RERE: variants seen among roughly 807,000 people sequenced by gnomAD.
The protein encoded by RERE is arginine-glutamic acid dipeptide repeats, also known as arginine-glutamic acid dipeptide repeats protein.
A neutral mutation model predicts 146.1 loss-of-function variants in RERE; 40 were observed. The observed-to-expected ratio is 0.27, with a 90% CI of 0.21 to 0.36. RERE has a LOEUF of 0.36. Among genes scored for constraint, RERE ranks in the 10% least tolerant of loss-of-function variants. The probability of loss-of-function intolerance (pLI) is 1.00; values close to 1 mark genes in which losing one functional copy is unlikely to be tolerated. For missense variants in RERE, 1,933 were observed against 2,138.7 expected (o/e 0.90, Z 1.90); for synonymous variants, 1,003 against 866.0 (o/e 1.16, Z -2.78).
At chr1:8,592,474 G>A (rs181267781) in intron 4 of RERE, among the ~76,000 whole-genome samples, 143 of 152,090 alleles carry the variant, frequency 9.4e-4, no homozygotes, top group Non-Finnish European at 1.4e-3. Context: ...GTTTCACCAC[G>A]TTGCCCAGGC....
intron 12 of RERE, among the ~76,000 whole-genome samples, chr1:8,367,166 G>A (rs1281047550): frequency 1.3e-5 from 2 of 152,136 alleles, no homozygotes; most frequent in Non-Finnish European, 2.9e-5. Flanking sequence ...AGTGTTGGAA[G>A]GACTAAAATA....
intron 4 of RERE, among the ~76,000 whole-genome samples, chr1:8,568,234 T>C (rs900355332): frequency 1.3e-5 from 2 of 152,210 alleles, no homozygotes; most frequent in African/African-American, 2.4e-5. Flanking sequence ...CCTCCAGCCT[T>C]TGGACTGAGG....
At chr1:8,492,583 C>T (rs746434841) in intron 10 of RERE, among the ~76,000 whole-genome samples, 7 of 151,572 alleles carry the variant, frequency 4.6e-5, no homozygotes, top group Non-Finnish European at 8.8e-5. Flanking sequence ...CAAAGTAAGA[C>T]GATGTCTCTA....
At chr1:8,430,205 G>T (rs1192490653) in intron 11 of RERE, among the ~76,000 whole-genome samples, 2 of 152,076 alleles carry the variant, frequency 1.3e-5, no homozygotes, top group Non-Finnish European at 2.9e-5. Flanking sequence ...ATTTGGTTTT[G>T]GTTTTACATA....
chr1:8,424,070 G>A (rs1643966749), intron 11 of RERE: 2 of 152,214 alleles, frequency 1.3e-5, no homozygotes, highest in Non-Finnish European at 2.9e-5. Context: ...CCAGGCTGCT[G>A]GGTCTCCAGC....
chr1:8,466,397 G>C (rs1158207706), intron 10 of RERE, among the ~76,000 whole-genome samples: 1 of 151,840 alleles, frequency 6.6e-6, no homozygotes, highest in African/African-American at 2.4e-5. Context: ...TTTAATCTAC[G>C]GTTTAGGAGC....
rs182492327 is a variant in RERE, at chr1:8,555,164, C to T, written c.725+1311G>A. 2.1e-4 allele frequency among the ~76,000 whole-genome samples: 32 copies of T among 152,330 alleles called. No individual in the cohort carries two copies. In the East Asian group the frequency reaches 4.6e-3, roughly 22 times the overall value. ...GCCAGAAAAGCCATATCTGGCACAC[C>T]GCCTGCTTCCTGTGGCCTGAGAGAA... On this transcript the variant is annotated intron_variant, in intron 6 of 22. Coordinates refer to ENST00000400908, the MANE Select transcript of RERE (RefSeq NM_001042681.2).
At chr1:8,558,219 G>A (rs1185262205) in intron 4 of RERE, among the ~76,000 whole-genome samples, 1 of 152,224 alleles carries the variant, frequency 6.6e-6, no homozygotes, top group African/African-American at 2.4e-5. Context: ...AAATGATCCT[G>A]TAAATGTTTG....
intron 1 of RERE, among the ~76,000 whole-genome samples, chr1:8,672,096 G>A (rs769365860): frequency 1.3e-5 from 2 of 151,952 alleles, no homozygotes; most frequent in Non-Finnish European, 2.9e-5. Flanking sequence ...GGGCAACATA[G>A]CAAGCTCCCA....
intron 2 of RERE, among the ~76,000 whole-genome samples, chr1:8,628,672 G>A (rs1363379630): frequency 1.3e-5 from 2 of 152,074 alleles, no homozygotes; most frequent in African/African-American, 4.8e-5. Context: ...AGCTATTTAA[G>A]AAAATAATTT....
At chr1:8,379,795 G>A (rs769412310) in intron 12 of RERE, among the ~76,000 whole-genome samples, 5 of 152,176 alleles carry the variant, frequency 3.3e-5, no homozygotes, top group Admixed American at 6.5e-5. Flanking sequence ...CTCCCCAGAG[G>A]AGAGCCAGGA....
chr1:8,635,977 C>CTTATTTTATT (rs70985503), intron 2 of RERE, among the ~76,000 whole-genome samples: 3,192 of 136,686 alleles, frequency 0.023, 41 homozygotes, highest in Non-Finnish European at 0.029. Flanking sequence ...CTTATCTTAT[C>CTTATTTTATT]TTATTTTATT....
intron 1 of RERE, among the ~76,000 whole-genome samples, chr1:8,755,452 T>C (rs1640622559): frequency 6.6e-6 from 1 of 152,212 alleles, no homozygotes; most frequent in South Asian, 2.1e-4. Context: ...ATCTGTTGTT[T>C]ATACAAGTTG....
intron 7 of RERE, among the ~76,000 whole-genome samples, chr1:8,531,023 A>G (rs556959372): frequency 7.4e-6 from 1 of 135,446 alleles, no homozygotes. Context: ...CTATCTATCT[A>G]TCTATCTATC....
intron 4 of RERE, among the ~76,000 whole-genome samples, chr1:8,567,956 A>G (rs1481535588): frequency 6.6e-6 from 1 of 152,210 alleles, no homozygotes; most frequent in Non-Finnish European, 1.5e-5. Context: ...TGTGGGGTTA[A>G]TATCAGGTGT....
chr1:8,685,340 A>C (rs767799331), intron 1 of RERE, among the ~76,000 whole-genome samples: 1 of 152,218 alleles, frequency 6.6e-6, no homozygotes, highest in Non-Finnish European at 1.5e-5. Flanking sequence ...AACAATTATC[A>C]TTACTTCCTT....
At chr1:8,655,916 G>T in intron 2 of RERE, 57 bp downstream of exon 2, 1 of 1,572,576 alleles carries the variant, frequency 6.4e-7, no homozygotes. Context: ...TCACCATAAT[G>T]CCAAGATCAT....
intron 11 of RERE, among the ~76,000 whole-genome samples, chr1:8,440,694 T>C (rs1471131874): frequency 7.0e-6 from 1 of 143,472 alleles, no homozygotes; most frequent in African/African-American, 2.6e-5. Flanking sequence ...GAGACTAGCC[T>C]GGCCAACATG....
intron 7 of RERE, among the ~76,000 whole-genome samples, chr1:8,522,123 A>G (rs1200103610): frequency 6.6e-6 from 1 of 152,162 alleles, no homozygotes; most frequent in Non-Finnish European, 1.5e-5. Context: ...AATAAATCAG[A>G]CTCATGCTTT....
Sources: gnomAD v4.1 joint callset for allele counts (sites outside exome capture counted in the v4.1 genomes callset) on GRCh38, gnomAD v4.1.1 for gene constraint, MANE v1.5 for transcripts, NCBI Gene and HGNC (gene_info 2026-07-23, HGNC 2026-07-21) for gene names.